The following LAMA3 variants were observed in gnomAD, a reference collection of about 807,000 sequenced individuals.
LAMA3 encodes the protein laminin subunit alpha-3.
Under a neutral mutation model 402.0 loss-of-function variants are expected in LAMA3, and 281 were observed. The observed-to-expected ratio is 0.70, with a 90% CI of 0.63 to 0.77. LAMA3 has a LOEUF of 0.77. Ranked by LOEUF, LAMA3 falls within the 30% of genes least tolerant of loss-of-function variation. The probability of loss-of-function intolerance (pLI) is 0.00; values close to 1 mark genes in which losing one functional copy is unlikely to be tolerated. For missense variants in LAMA3, 3,840 were observed against 4,215.5 expected (o/e 0.91, Z 2.47); for synonymous variants, 1,431 against 1,558.4 (o/e 0.92, Z 1.93).
At chr18:23,855,620 A>G (rs1405268722) in intron 32 of LAMA3, among the ~76,000 whole-genome samples, 1 of 152,206 alleles carries the variant, frequency 6.6e-6, no homozygotes, top group Non-Finnish European at 1.5e-5. Context: ...AATTGTGTGT[A>G]TATGAGAATG....
chr18:23,755,165 G>C (rs2061821830), intron 6 of LAMA3, among the ~76,000 whole-genome samples: 2 of 152,220 alleles, frequency 1.3e-5, no homozygotes, highest in South Asian at 4.2e-4. Context: ...GTTGGAGAGA[G>C]GAGAGAAGAG....
chr18:23,941,335 C>A (rs866907159), intron 68 of LAMA3, among the ~76,000 whole-genome samples: 1 of 142,870 alleles, frequency 7.0e-6, no homozygotes, highest in Admixed American at 6.9e-5. Flanking sequence ...CGCCCCCCCC[C>A]CGCCCGGCAG....
At chr18:23,747,387 C>A (rs139040674) in intron 2 of LAMA3, among the ~76,000 whole-genome samples, 18 of 152,096 alleles carry the variant, frequency 1.2e-4, no homozygotes, top group African/African-American at 4.1e-4. Context: ...GTGATGAGGG[C>A]GAATGAGAAA....
intron 12 of LAMA3, among the ~76,000 whole-genome samples, chr18:23,805,205 A>G (rs1218117031): frequency 1.3e-5 from 2 of 152,066 alleles, no homozygotes; most frequent in South Asian, 2.1e-4. Flanking sequence ...CAATGAAGCC[A>G]CATCTAGTAT....
chr18:23,797,836 T>G (rs1020303160), intron 12 of LAMA3, among the ~76,000 whole-genome samples: 3 of 152,250 alleles, frequency 2.0e-5, no homozygotes, highest in Non-Finnish European at 4.4e-5. Context: ...CAGACTTTCC[T>G]AAGTACAATG....
chr18:23,795,596 CTTACAA>C (rs947677892), intron 12 of LAMA3, among the ~76,000 whole-genome samples: 48 of 152,222 alleles, frequency 3.2e-4, no homozygotes, highest in African/African-American at 1.1e-3. Flanking sequence ...GTTATGACTC[CTTACAA>C]TTTCACGTGA....
chr18:23,799,375 T>A (rs1317705383), intron 12 of LAMA3, among the ~76,000 whole-genome samples: 1 of 152,212 alleles, frequency 6.6e-6, no homozygotes, highest in African/African-American at 2.4e-5. Context: ...ATGCTAGAGT[T>A]GGTGTTTGGG....
At chr18:23,827,176 A>T in intron 22 of LAMA3, 138 bp from the exon 23 acceptor site, 1 of 955,854 alleles carries the variant, frequency 1.0e-6, no homozygotes, top group Non-Finnish European at 1.7e-6. Flanking sequence ...TGTAGCAGAC[A>T]CTTAATAAGA....
chr18:23,876,504 C>T, intron 39 of LAMA3, 97 bp downstream of exon 39: 1 of 790,758 alleles, frequency 1.3e-6, no homozygotes, highest in Non-Finnish European at 2.2e-6. Context: ...CATCTCCCGC[C>T]AAACCCTAAA....
At position 23,842,554 on chromosome 18, in the gene LAMA3, C is replaced by G. The variant is rs1334571134; in HGVS notation, c.3463+33C>G. The G allele has an allele frequency of 3.7e-6, 6 of 1,614,118 alleles. No individual in the cohort carries two copies. In the African/African-American group the frequency reaches 5.3e-5, roughly 14 times the overall value. ...GCAGTGAGCAGGCCCTGCTGCCTGC[C>G]TCAGGCTGAATCTACAGTCCGGTGC... On this transcript the variant is annotated intron_variant, in intron 28 of 74. Coordinates refer to ENST00000313654, the MANE Select transcript of LAMA3 (RefSeq NM_198129.4).
At chr18:23,695,579 T>G (rs2060668496) in intron 1 of LAMA3, among the ~76,000 whole-genome samples, 1 of 151,898 alleles carries the variant, frequency 6.6e-6, no homozygotes, top group Admixed American at 6.6e-5. Flanking sequence ...CCTAGCACTT[T>G]GGGAGGCTGA....
At chr18:23,770,831 T>G (rs1030296691) in intron 8 of LAMA3, among the ~76,000 whole-genome samples, 2 of 152,076 alleles carry the variant, frequency 1.3e-5, no homozygotes, top group Non-Finnish European at 2.9e-5. Flanking sequence ...CAAATTAAGA[T>G]TACAATGACA....
rs773860746 is a variant in LAMA3 at position 23,757,785 on chromosome 18, G to T, written c.948-611G>T. On this transcript the variant is annotated intron_variant, in intron 6 of 74. Transcript: ENST00000313654. The stretch of plus-strand genomic sequence containing the variant: ...GCTGAAACAATTTCATTTTAACTTG[G>T]AATGTTAAGGCAGATGTACACCCTT... 1.3e-3 allele frequency among the ~76,000 whole-genome samples: 202 copies of T among 152,342 alleles called. No homozygotes were observed. The Middle Eastern group carries it at 0.024, about 18-fold the overall frequency.
intron 27 of LAMA3, 53 bp from the exon 28 acceptor site, chr18:23,842,342 G>T: frequency 6.2e-7 from 1 of 1,607,280 alleles, no homozygotes; most frequent in Non-Finnish European, 8.5e-7. Flanking sequence ...GTTATTCATA[G>T]CTCTTCAGCT....
chr18:23,728,190 C>T (rs976909716), intron 2 of LAMA3, among the ~76,000 whole-genome samples: 14 of 152,278 alleles, frequency 9.2e-5, no homozygotes, highest in Non-Finnish European at 1.8e-4. Context: ...AGCCCAAGCC[C>T]TCTTGTGACC....
chr18:23,697,170 C>G (rs117955922), intron 1 of LAMA3, among the ~76,000 whole-genome samples: 115 of 152,288 alleles, frequency 7.6e-4, no homozygotes, highest in Non-Finnish European at 1.3e-3. Context: ...ACTTCCTGTG[C>G]TAAGCATGCT....
chr18:23,773,463 A>G, intron 8 of LAMA3, 34 bp from the exon 9 acceptor site: 1 of 1,340,060 alleles, frequency 7.5e-7, no homozygotes, highest in Non-Finnish European at 1.1e-6. Context: ...CTTCCCCAGA[A>G]CCCTTCCTTT....
intron 18 of LAMA3, among the ~76,000 whole-genome samples, chr18:23,818,796 T>C (rs1294551893): frequency 1.3e-5 from 2 of 152,206 alleles, no homozygotes; most frequent in African/African-American, 4.8e-5. Context: ...TCACATTCAT[T>C]ACTTCACATC....
intron 3 of LAMA3, 92 bp downstream of exon 3, chr18:23,748,152 G>C (rs1305662464): frequency 1.1e-6 from 1 of 895,900 alleles, no homozygotes; most frequent in Non-Finnish European, 1.9e-6. Flanking sequence ...ATCTTGGCTG[G>C]GTGTGGTGGC....
Sources: allele counts gnomAD v4.1 joint callset (sites outside exome capture counted in the v4.1 genomes callset), GRCh38; gene constraint gnomAD v4.1.1; transcripts MANE v1.5; gene names NCBI Gene and HGNC (gene_info 2026-07-23, HGNC 2026-07-21).